Variants in KIF26B observed in about 807,000 individuals in gnomAD.
KIF26B encodes kinesin-like protein KIF26B.
A neutral mutation model predicts 151.2 loss-of-function variants in KIF26B; 63 were observed. That is an observed-to-expected ratio of 0.42 (90% CI 0.34 to 0.51). The LOEUF (loss-of-function observed/expected upper bound fraction) is 0.51, where lower values mean the gene tolerates loss of function less well. KIF26B is among the 20% of genes least tolerant of loss of function. The pLI, the probability that KIF26B is intolerant of heterozygous loss-of-function variation, is 0.07. For synonymous variants in KIF26B, 1,357 were observed against 1,262.1 expected, an observed-to-expected ratio of 1.08 and a Z score of -1.59; for missense variants, 2,813 against 2,913.6, an observed-to-expected ratio of 0.97 and a Z score of 0.79.
intron 4 of KIF26B, among the ~76,000 whole-genome samples, chr1:245,496,991 T>G (rs939460168): frequency 6.6e-6 from 1 of 151,934 alleles, no homozygotes; most frequent in African/African-American, 2.4e-5. Context: ...CCATCTCTAC[T>G]AAAAATACAA....
At chr1:245,603,862 G>A (rs1284940137) in intron 6 of KIF26B, among the ~76,000 whole-genome samples, 1 of 152,152 alleles carries the variant, frequency 6.6e-6, no homozygotes, top group Non-Finnish European at 1.5e-5. Flanking sequence ...TGGAGAATTG[G>A]GGCCATTTTT....
chr1:245,155,654 C>G (rs1191018353), intron 1 of KIF26B, among the ~76,000 whole-genome samples, 167 bp downstream of exon 1: 1 of 152,198 alleles, frequency 6.6e-6, no homozygotes, highest in Non-Finnish European at 1.5e-5. Context: ...GCCGCGGGGA[C>G]GCCCGCACGC....
intron 2 of KIF26B, among the ~76,000 whole-genome samples, chr1:245,349,005 G>A (rs1435158580): frequency 6.6e-6 from 1 of 152,152 alleles, no homozygotes; most frequent in Non-Finnish European, 1.5e-5. Context: ...CTGCCTTACT[G>A]TTCTCCATAG....
At chr1:245,633,488 G>A (rs2043803327) in intron 9 of KIF26B, among the ~76,000 whole-genome samples, 1 of 151,830 alleles carries the variant, frequency 6.6e-6, no homozygotes, top group African/African-American at 2.4e-5. Context: ...TTGTAGTGAT[G>A]TTTGACTCCT....
chr1:245,203,177 G>A (rs1669335546), intron 2 of KIF26B, among the ~76,000 whole-genome samples: 1 of 145,196 alleles, frequency 6.9e-6, no homozygotes, highest in Non-Finnish European at 1.5e-5. Context: ...AACCTGGGAG[G>A]CAGAGGTTTC....
At chr1:245,289,059 C>T (rs986708529) in intron 2 of KIF26B, among the ~76,000 whole-genome samples, 2 of 152,072 alleles carry the variant, frequency 1.3e-5, no homozygotes, top group South Asian at 4.2e-4. Flanking sequence ...TAGAGGAAGT[C>T]GGGTTGGTTT....
chr1:245,443,629 C>T (rs1659173047), intron 4 of KIF26B, among the ~76,000 whole-genome samples: 1 of 108,416 alleles, frequency 9.2e-6, no homozygotes, highest in African/African-American at 3.0e-5. Flanking sequence ...TCACTGTTCA[C>T]CTAGAGCGGT....
chr1:245,369,380 T>A (rs192423670), intron 3 of KIF26B, among the ~76,000 whole-genome samples: 1,972 of 152,310 alleles, frequency 0.013, 39 homozygotes, highest in African/African-American at 0.045. Context: ...GTTGATAAAA[T>A]GCCGGGTGAC....
At chr1:245,238,909 T>C (rs1670162700) in intron 2 of KIF26B, among the ~76,000 whole-genome samples, 1 of 152,126 alleles carries the variant, frequency 6.6e-6, no homozygotes, top group African/African-American at 2.4e-5. Context: ...AAATTATACA[T>C]ATTGCTGCAA....
At chr1:245,584,230 T>G (rs2043203091) in intron 5 of KIF26B, among the ~76,000 whole-genome samples, 2 of 152,164 alleles carry the variant, frequency 1.3e-5, no homozygotes, top group Admixed American at 6.5e-5. Flanking sequence ...CCACTTCACC[T>G]TCCAACTTGA....
At chr1:245,378,000 T>A (rs1673318081) in intron 3 of KIF26B, among the ~76,000 whole-genome samples, 1 of 152,172 alleles carries the variant, frequency 6.6e-6, no homozygotes, top group African/African-American at 2.4e-5. Flanking sequence ...AGCCTCCTCT[T>A]CTGAACTTAC....
chr1:245,560,978 C>T lies in KIF26B; in HGVS notation c.1350+20028C>T, dbSNP rs1483741107. Among the ~76,000 whole-genome samples the T allele has an allele frequency of 2.0e-5, 3 of 152,198 alleles. No homozygotes were observed. Among genetic ancestry groups the T allele is most frequent in the Non-Finnish European group, 2.9e-5 (2 of 68,036 alleles). On this transcript the variant is annotated intron_variant, in intron 5 of 14. Coordinates refer to ENST00000407071, the MANE Select transcript of KIF26B (RefSeq NM_018012.4). The surrounding 1 kb of genome is among the most constrained non-coding windows in gnomAD (Gnocchi z 4.3). ...GCCCCATGGGACACCTGACTGATAG[C>T]AGCCTGTGCAGATGTGAGGAACAGA...
rs973470453 is a variant in KIF26B at position 245,166,222 on chromosome 1, A to T, written c.465+9539A>T. On this transcript the variant is annotated intron_variant, in intron 2 of 14. Coordinates refer to ENST00000407071, the MANE Select transcript of KIF26B (RefSeq NM_018012.4). This position sits in a 1 kb window ranked among gnomAD's most constrained non-coding sequence, Gnocchi z 4.5. ...ATTATTCCAGTGACTTTCCACAGGA[A>T]GTTGAATTTTATATAAGATTCCTAC... is the stretch of plus-strand genomic sequence containing the variant. Among the ~76,000 whole-genome samples, 11 of 152,186 alleles carry T rather than the reference A, an allele frequency of 7.2e-5. No individual in the cohort carries two copies. Among genetic ancestry groups the T allele is most frequent in the Non-Finnish European group, 1.6e-4 (11 of 68,016 alleles).
At chr1:245,315,551 G>A (rs1325875408) in intron 2 of KIF26B, among the ~76,000 whole-genome samples, 2 of 151,796 alleles carry the variant, frequency 1.3e-5, no homozygotes, top group African/African-American at 4.8e-5. Flanking sequence ...GTGAAACCCC[G>A]TCTCTACTAA....
chr1:245,390,921 C>CAAAAAAAAAA (rs796799193), intron 3 of KIF26B, among the ~76,000 whole-genome samples: 1 of 13,444 alleles, frequency 7.4e-5, no homozygotes, highest in African/African-American at 4.5e-4. Context: ...GACCCTGTCT[C>CAAAAAAAAAA]AAAAAAAAAA....
At chr1:245,173,204 A>G (rs1668742999) in intron 2 of KIF26B, among the ~76,000 whole-genome samples, 1 of 152,254 alleles carries the variant, frequency 6.6e-6, no homozygotes, top group Non-Finnish European at 1.5e-5. Context: ...AGTGAGATTC[A>G]TAGACATAGA....
At chr1:245,484,838 G>A (rs915301687) in intron 4 of KIF26B, among the ~76,000 whole-genome samples, 1 of 151,138 alleles carries the variant, frequency 6.6e-6, no homozygotes, top group Non-Finnish European at 1.5e-5. Context: ...GAGTCGATTT[G>A]TGTGAGAGGG....
chr1:245,399,088 T>A (rs1445814144), intron 3 of KIF26B, among the ~76,000 whole-genome samples: 1 of 152,224 alleles, frequency 6.6e-6, no homozygotes, highest in Non-Finnish European at 1.5e-5. Context: ...GTTGACCTGA[T>A]AATGTCCTTT....
At chr1:245,666,331 C>T (rs2044213947) in intron 10 of KIF26B, among the ~76,000 whole-genome samples, 1 of 152,120 alleles carries the variant, frequency 6.6e-6, no homozygotes, top group Non-Finnish European at 1.5e-5. Context: ...CCAATTCTTC[C>T]ATCTCATTTT....
Sources: allele counts gnomAD v4.1 joint callset (sites outside exome capture counted in the v4.1 genomes callset), GRCh38; gene constraint gnomAD v4.1.1; non-coding constraint Gnocchi (gnomAD v3.1); transcripts MANE v1.5; gene names NCBI Gene and HGNC (gene_info 2026-07-23, HGNC 2026-07-21).